The following CKLF variants were observed in gnomAD, a reference collection of about 807,000 sequenced individuals.
CKLF encodes chemokine-like factor.
A neutral mutation model predicts 12.9 loss-of-function variants in CKLF; 16 were observed. The observed-to-expected ratio is 1.24, with a 90% CI of 0.84 to 1.88. The LOEUF (loss-of-function observed/expected upper bound fraction) is 1.88. CKLF is among the 40% of genes most tolerant of loss of function. The pLI, the probability that CKLF is intolerant of heterozygous loss-of-function variation, is 0.00. For synonymous variants in CKLF, 61 were observed against 69.0 expected, an observed-to-expected ratio of 0.88 and a Z score of 0.57; for missense variants, 172 against 188.5, an observed-to-expected ratio of 0.91 and a Z score of 0.51.
intron 2 of CKLF, among the ~76,000 whole-genome samples, chr16:66,562,546 G>A (rs572787707): frequency 3.3e-5 from 5 of 152,040 alleles, no homozygotes; most frequent in African/African-American, 1.2e-4. Context: ...AAGTAAAAAA[G>A]AAATAAAAAG....
At chr16:66,561,490 C>T (rs1356144837) in intron 2 of CKLF, among the ~76,000 whole-genome samples, 1 of 151,368 alleles carries the variant, frequency 6.6e-6, no homozygotes, top group African/African-American at 2.4e-5. Flanking sequence ...TTTTTTTTTC[C>T]CCCTGTGGTT....
At chr16:66,553,172 C>CAAAACAAAAACA (rs1555529539) in intron 1 of CKLF, among the ~76,000 whole-genome samples, 1,971 of 150,168 alleles carry the variant, frequency 0.013, 39 homozygotes, top group African/African-American at 0.04. Context: ...AAAACAAAAA[C>CAAAACAAAAACA]AAAAAAAAAC....
intron 3 of CKLF, among the ~76,000 whole-genome samples, chr16:66,564,769 C>G (rs546831438): frequency 4.6e-5 from 7 of 152,276 alleles, no homozygotes; most frequent in South Asian, 4.1e-4. Context: ...CGCGCCCGGC[C>G]GACTTTTTTC....
chr16:66,562,752 A>G (rs2011821690), intron 2 of CKLF, among the ~76,000 whole-genome samples: 1 of 152,024 alleles, frequency 6.6e-6, no homozygotes. Context: ...ACAGAGTCTC[A>G]CTCTGTTGCC....
chr16:66,564,895 A>G (rs2012089052), intron 3 of CKLF, among the ~76,000 whole-genome samples: 1 of 152,198 alleles, frequency 6.6e-6, no homozygotes, highest in South Asian at 2.1e-4. Context: ...CCCGTCCTCA[A>G]GTTGCTTAGA....
chr16:66,555,381 AG>A (rs1171049046), intron 1 of CKLF, among the ~76,000 whole-genome samples: 1 of 152,250 alleles, frequency 6.6e-6, no homozygotes, highest in African/African-American at 2.4e-5. Context: ...GGCTGGTGGT[AG>A]CAAAGCAGGT....
Position 66,552,680 on chromosome 16 carries a change from T to A in CKLF, c.-36T>A. The A allele has an allele frequency of 6.2e-7, 1 of 1,613,256 alleles. No individual in the cohort carries two copies. Among genetic ancestry groups the A allele is most frequent in the Non-Finnish European group, 8.5e-7 (1 of 1,179,760 alleles). ...TACTCAGGCAGCCAGCTGAGAAGAG[T>A]TGAGGGAAAGTGCTGCTGCTGGGTC... On this transcript the variant is annotated 5_prime_UTR_variant, in exon 1 of 4. It adds an upstream start codon to the 5' untranslated region. Coordinates refer to ENST00000264001, the MANE Select transcript of CKLF (RefSeq NM_016951.4).
At chr16:66,552,997 C>T (rs1293450325) in intron 1 of CKLF, among the ~76,000 whole-genome samples, 1 of 152,090 alleles carries the variant, frequency 6.6e-6, no homozygotes, top group Non-Finnish European at 1.5e-5. Flanking sequence ...CACACTCATT[C>T]ATGAAAACCA....
In CKLF at chr16:66,558,255, C is replaced by G. The variant is rs202172549; in HGVS notation, c.144C>G (p.Ile48Met). Residue 48 changes from isoleucine (I) to methionine (M), a missense_variant, in exon 2 of 4, where the codon ATC becomes ATG. Transcript: ENST00000264001. ...IAQAPEPYIV[I>M]TGFEVTVILF... ...AAGCCCCTGAACCATATATTGTTAT[C>G]ACTGGATTTGAAGTCACCGTTATCT... 8.1e-6 allele frequency: 13 copies of G among 1,613,954 alleles called. No individual in the cohort carries two copies. The Admixed American group carries it at 8.3e-5, about 10-fold the overall frequency.
chr16:66,561,872 C>T (rs1427144423), intron 2 of CKLF, among the ~76,000 whole-genome samples: 3 of 152,122 alleles, frequency 2.0e-5, no homozygotes, highest in East Asian at 1.9e-4. Context: ...TTTACCTTTC[C>T]CACGCTACAC....
chr16:66,554,125 T>C (rs945421200), intron 1 of CKLF, among the ~76,000 whole-genome samples: 2 of 152,216 alleles, frequency 1.3e-5, no homozygotes, highest in Non-Finnish European at 2.9e-5. Flanking sequence ...ATTAATTCTC[T>C]CAACAAACCA....
Position 66,563,200 on chromosome 16 carries a change from T to C in CKLF, c.316T>C (p.Leu106=), listed in dbSNP as rs764069918. Residue 106 remains leucine (L), a synonymous_variant, in exon 3 of 4, where the codon TTG becomes CTG. Transcript: ENST00000264001. Reference sequence around the variant, plus strand: ...GGCACTGATACCAGAAACCACAACATTGACAGTTGGTGGAGGGGTAAGTGG... The same window carrying C: ...GGCACTGATACCAGAAACCACAACACTGACAGTTGGTGGAGGGGTAAGTGG... ...VLALIPETTT[L]TVGGGVFALV... is the part of the protein sequence containing the mutation. The C allele has an allele frequency of 3.1e-6, 5 of 1,614,110 alleles. No homozygotes were observed. The highest frequency in any genetic ancestry group is 8.5e-7 in the Non-Finnish European group (1 of 1,180,024).
downstream of CKLF, chr16:66,566,196 G>T: frequency 6.6e-7 from 1 of 1,522,994 alleles, no homozygotes; most frequent in East Asian, 2.4e-5. This position sits in a 1 kb window ranked among gnomAD's most constrained non-coding sequence, Gnocchi z 4.9. Flanking sequence ...CGGGTTTTCC[G>T]GCACCCGGGC....
At chr16:66,552,931 C>A in intron 1 of CKLF, 138 bp downstream of exon 1, 1 of 1,224,080 alleles carries the variant, frequency 8.2e-7, no homozygotes, top group Non-Finnish European at 1.2e-6. Context: ...GCATGGCCTC[C>A]TTGGGGAAGA....
At chr16:66,558,382 T>C in intron 2 of CKLF, 34 bp downstream of exon 2, 1 of 1,584,424 alleles carries the variant, frequency 6.3e-7, no homozygotes, top group Non-Finnish European at 8.5e-7. Flanking sequence ...AATTTTACTT[T>C]TTCCTACCAT....
intron 2 of CKLF, among the ~76,000 whole-genome samples, chr16:66,561,880 C>T (rs2011749161): frequency 6.6e-6 from 1 of 152,186 alleles, no homozygotes; most frequent in South Asian, 2.1e-4. Flanking sequence ...TCCCACGCTA[C>T]ACATCCATTT....
rs748233209 is a variant in CKLF, at chr16:66,563,161, A to G, written c.277A>G (p.Ile93Val). The part of the protein sequence containing the change: ...NSLVTTVFML[I>V]VSVLALIPET... ...ACTGGTAACAACAGTATTCATGCTC[A>G]TCGTATCTGTGTTGGCACTGATACC... Residue 93 changes from isoleucine to valine, a missense_variant, in exon 3 of 4, where the codon ATC (isoleucine) becomes GTC (valine). Transcript: ENST00000264001. 6.2e-7 allele frequency: 1 copy of G among 1,614,160 alleles called. No homozygotes were observed. Among genetic ancestry groups the G allele is most frequent in the Admixed American group, 1.7e-5 (1 of 60,014 alleles).
intron 2 of CKLF, among the ~76,000 whole-genome samples, chr16:66,559,394 C>T (rs1285228528): frequency 6.6e-6 from 1 of 152,184 alleles, no homozygotes; most frequent in Non-Finnish European, 1.5e-5. Context: ...CCTCTCAAAA[C>T]TACTTGATGT....
intron 1 of CKLF, among the ~76,000 whole-genome samples, chr16:66,557,349 G>T (rs1261153911): frequency 6.6e-6 from 1 of 152,092 alleles, no homozygotes; most frequent in Admixed American, 6.5e-5. Flanking sequence ...TGTATTTTTA[G>T]TAGAGACAAG....
Sources: allele counts gnomAD v4.1 joint callset (sites outside exome capture counted in the v4.1 genomes callset), GRCh38; gene constraint gnomAD v4.1.1; non-coding constraint Gnocchi (gnomAD v3.1); transcripts MANE v1.5; gene names NCBI Gene and HGNC (gene_info 2026-07-23, HGNC 2026-07-21).